Variants in MDGA2 observed in about 807,000 individuals in gnomAD.
MDGA2 encodes the protein MAM domain-containing glycosylphosphatidylinositol anchor protein 2.
A neutral mutation model predicts 117.8 loss-of-function variants in MDGA2; 40 were observed. The observed-to-expected ratio is 0.34, with a 90% CI of 0.26 to 0.44. The LOEUF (loss-of-function observed/expected upper bound fraction) is 0.44. Ranked by LOEUF, MDGA2 falls within the 20% of genes least tolerant of loss-of-function variation. The probability of loss-of-function intolerance (pLI) is 1.00; values close to 1 mark genes in which losing one functional copy is unlikely to be tolerated. For synonymous variants in MDGA2, 452 were observed against 439.0 expected (o/e 1.03, Z -0.37); for missense variants, 1,123 against 1,250.6 (o/e 0.90, Z 1.54).
At chr14:47,438,253 C>T (rs959131970) in intron 1 of MDGA2, among the ~76,000 whole-genome samples, 4 of 152,066 alleles carry the variant, frequency 2.6e-5, no homozygotes, top group African/African-American at 9.7e-5. Context: ...GATTTTAGCT[C>T]ATCTTCAATA....
At chr14:47,599,308 A>G (rs1379077330) in intron 1 of MDGA2, among the ~76,000 whole-genome samples, 2 of 147,612 alleles carry the variant, frequency 1.4e-5, no homozygotes, top group Non-Finnish European at 2.9e-5. Context: ...ACTAAGACAA[A>G]TGCTGTTTTT....
chr14:47,095,519 CA>C (rs971205464), intron 6 of MDGA2, among the ~76,000 whole-genome samples: 13 of 151,672 alleles, frequency 8.6e-5, no homozygotes, highest in African/African-American at 3.1e-4. Flanking sequence ...AAAGTATAAA[CA>C]AATTTAGAAG....
intron 1 of MDGA2, among the ~76,000 whole-genome samples, chr14:47,413,908 G>T (rs917651469): frequency 1.3e-5 from 2 of 152,054 alleles, no homozygotes; most frequent in African/African-American, 2.4e-5. Context: ...CTTCAATTCT[G>T]TTATGAATAT....
At chr14:47,377,774 C>A (rs948997558) in intron 1 of MDGA2, among the ~76,000 whole-genome samples, 1 of 152,158 alleles carries the variant, frequency 6.6e-6, no homozygotes, top group African/African-American at 2.4e-5. Flanking sequence ...TCTGTAGACT[C>A]TAGATCTGGG....
At chr14:47,600,446 A>T (rs1019051375) in intron 1 of MDGA2, among the ~76,000 whole-genome samples, 6 of 152,074 alleles carry the variant, frequency 3.9e-5, no homozygotes, top group African/African-American at 7.2e-5. Flanking sequence ...AAAAAATTTT[A>T]AAAATATCGT....
intron 5 of MDGA2, among the ~76,000 whole-genome samples, chr14:47,111,500 C>T (rs184907343): frequency 9.2e-5 from 14 of 151,996 alleles, no homozygotes; most frequent in Admixed American, 5.2e-4. Flanking sequence ...AAATATTCAC[C>T]ATCCAAAATA....
chr14:47,536,400 G>C (rs902300103), intron 1 of MDGA2, among the ~76,000 whole-genome samples: 1 of 152,200 alleles, frequency 6.6e-6, no homozygotes, highest in Admixed American at 6.5e-5. Flanking sequence ...AAATGAATAA[G>C]TAATAATTGT....
At chr14:47,416,831 G>A (rs1892485715) in intron 1 of MDGA2, among the ~76,000 whole-genome samples, 1 of 152,162 alleles carries the variant, frequency 6.6e-6, no homozygotes, top group African/African-American at 2.4e-5. Flanking sequence ...CTATGCCAGA[G>A]TACAGTGAAC....
chr14:47,616,436 A>T (rs2138917049), intron 1 of MDGA2, among the ~76,000 whole-genome samples: 1 of 152,318 alleles, frequency 6.6e-6, no homozygotes, highest in Non-Finnish European at 1.5e-5. Context: ...TTTTATAATG[A>T]TGTTAACTTC....
At chr14:47,077,142 A>G (rs1450990802) in intron 6 of MDGA2, among the ~76,000 whole-genome samples, 1 of 152,074 alleles carries the variant, frequency 6.6e-6, no homozygotes, top group Non-Finnish European at 1.5e-5. Context: ...ACACTACTGA[A>G]CAGCACAGTT....
rs1002247641 is a variant in MDGA2 at position 47,074,400 on chromosome 14, G to A, written c.1196-12822C>T. 4.6e-5 allele frequency among the ~76,000 whole-genome samples: 7 copies of A among 151,702 alleles called. No homozygotes were observed. In the East Asian group the frequency reaches 9.7e-4, roughly 21 times the overall value. On this transcript the variant is annotated intron_variant, in intron 6 of 16. Transcript: ENST00000399232. ...GGCTCACTGCAAGCTCCGACTTCAC[G>A]CCATTCTCCTGCCTCAGCCTCCCGA... is the stretch of plus-strand genomic sequence containing the variant.
chr14:47,058,854 C>T (rs1387236068), intron 7 of MDGA2: 1 of 985,542 alleles, frequency 1.0e-6, no homozygotes, highest in Non-Finnish European at 1.2e-6. Flanking sequence ...CCTCAAGAGC[C>T]TGCCATCCGT....
At chr14:47,152,930 A>C (rs1367098570) in intron 3 of MDGA2, among the ~76,000 whole-genome samples, 1 of 152,210 alleles carries the variant, frequency 6.6e-6, no homozygotes, top group East Asian at 1.9e-4. Context: ...AAAATTCTTC[A>C]CAAGTATAGA....
At chr14:47,535,661 T>C (rs1895195616) in intron 1 of MDGA2, among the ~76,000 whole-genome samples, 1 of 152,160 alleles carries the variant, frequency 6.6e-6, no homozygotes, top group Non-Finnish European at 1.5e-5. Context: ...TGATGTTTGA[T>C]ATAAGTAAAT....
At chr14:47,032,659 T>C (rs1381475567) in intron 8 of MDGA2, among the ~76,000 whole-genome samples, 2 of 152,200 alleles carry the variant, frequency 1.3e-5, no homozygotes, top group Admixed American at 1.3e-4. Context: ...TCCTGTACTA[T>C]TAGTTTTGCA....
At chr14:47,630,132 AACAC>A (rs374187992) in intron 1 of MDGA2, among the ~76,000 whole-genome samples, 2 of 152,160 alleles carry the variant, frequency 1.3e-5, no homozygotes, top group Middle Eastern at 3.4e-3. Flanking sequence ...AATACACACA[AACAC>A]ACACACAGCA....
At chr14:47,019,496 A>G (rs79233710) in intron 8 of MDGA2, among the ~76,000 whole-genome samples, 28,636 of 152,082 alleles carry the variant, frequency 0.19, 2,847 homozygotes, top group African/African-American at 0.22. Context: ...CACCAACCTA[A>G]TAACAACGTG....
chr14:47,490,773 T>C (rs1894152708), intron 1 of MDGA2, among the ~76,000 whole-genome samples: 1 of 152,076 alleles, frequency 6.6e-6, no homozygotes, highest in Admixed American at 6.6e-5. Context: ...ATAAGTGAAA[T>C]GTCATCTAGT....
intron 3 of MDGA2, among the ~76,000 whole-genome samples, chr14:47,193,305 G>T (rs1885178329): frequency 6.6e-6 from 1 of 152,074 alleles, no homozygotes; most frequent in South Asian, 2.1e-4. Flanking sequence ...TTTAATACTT[G>T]TCATCACATT....
Sources: gnomAD v4.1 joint callset for allele counts (sites outside exome capture counted in the v4.1 genomes callset) on GRCh38, gnomAD v4.1.1 for gene constraint, MANE v1.5 for transcripts, NCBI Gene and HGNC (gene_info 2026-07-23, HGNC 2026-07-21) for gene names.